CPEB3: variants seen among roughly 807,000 people sequenced by gnomAD.
CPEB3 encodes cytoplasmic polyadenylation element binding protein 3, also known as cytoplasmic polyadenylation element-binding protein 3.
A neutral mutation model predicts 67.2 loss-of-function variants in CPEB3; 20 were observed. That is an observed-to-expected ratio of 0.30 (90% CI 0.21 to 0.43). CPEB3 has a LOEUF of 0.43. Ranked by LOEUF, CPEB3 falls within the 20% of genes least tolerant of loss-of-function variation. The pLI is 1.00. For synonymous variants in CPEB3, 376 were observed against 393.1 expected (o/e 0.96, Z 0.51); for missense variants, 746 against 968.6 (o/e 0.77, Z 3.05).
At chr10:92,190,782 T>A (rs1848942938) in intron 3 of CPEB3, among the ~76,000 whole-genome samples, 1 of 148,050 alleles carries the variant, frequency 6.8e-6, no homozygotes, top group African/African-American at 2.5e-5. Flanking sequence ...TCCTCTAGCC[T>A]ACCATCCTTC....
At chr10:92,069,529 G>A (rs755676832) in intron 9 of CPEB3, among the ~76,000 whole-genome samples, 1 of 152,068 alleles carries the variant, frequency 6.6e-6, no homozygotes, top group Non-Finnish European at 1.5e-5. Flanking sequence ...GTAGCCTCCT[G>A]AGTAGTTAGC....
chr10:92,245,880 T>C (rs1280929337), intron 1 of CPEB3, among the ~76,000 whole-genome samples: 1 of 151,348 alleles, frequency 6.6e-6, no homozygotes, highest in African/African-American at 2.4e-5. Flanking sequence ...CTACTAAAAC[T>C]ATAAAAAATT....
intron 1 of CPEB3, among the ~76,000 whole-genome samples, chr10:92,252,124 C>T (rs1459845678): frequency 2.0e-5 from 3 of 151,188 alleles, no homozygotes; most frequent in African/African-American, 7.3e-5. Flanking sequence ...AAATATCCCC[C>T]CAAGAATAGG....
chr10:92,113,374 T>C (rs767309581), intron 6 of CPEB3, among the ~76,000 whole-genome samples: 10 of 152,232 alleles, frequency 6.6e-5, no homozygotes, highest in Non-Finnish European at 1.0e-4. Context: ...TATGAGAACA[T>C]TAATTCTACT....
intron 9 of CPEB3, among the ~76,000 whole-genome samples, chr10:92,056,095 T>G (rs781149956): frequency 2.0e-5 from 3 of 152,192 alleles, no homozygotes; most frequent in Admixed American, 1.3e-4. Context: ...CAGAGGCCTT[T>G]CCTGAAAGCT....
intron 2 of CPEB3, among the ~76,000 whole-genome samples, chr10:92,230,796 G>GC (rs1851230593): frequency 6.6e-6 from 1 of 152,136 alleles, no homozygotes; most frequent in Non-Finnish European, 1.5e-5. Flanking sequence ...GGTTTCTACT[G>GC]CAAGTACAGC....
chr10:92,052,458 GAC>G lies in CPEB3; in HGVS notation c.1870-21_1870-20del. 1 of 1,592,430 alleles carries G rather than the reference GAC, an allele frequency of 6.3e-7. No individual in the cohort carries two copies. The highest frequency in any genetic ancestry group is 8.6e-7 in the Non-Finnish European group (1 of 1,162,586). The stretch of plus-strand genomic sequence containing the variant: ...CTTCAACCTGGACCCAAAGAGGAAA[GAC>G]AGAGAAAAATGATTTAGCAAAGCTT... On this transcript the variant is annotated intron_variant, in intron 9 of 9. Transcript: ENST00000265997.
At chr10:92,192,303 A>G (rs986631849) in intron 3 of CPEB3, among the ~76,000 whole-genome samples, 174 bp downstream of exon 3, 2 of 152,212 alleles carry the variant, frequency 1.3e-5, no homozygotes, top group Non-Finnish European at 2.9e-5. Flanking sequence ...CTTGATTATT[A>G]TAGGTAGCTG....
At chr10:92,212,524 C>G (rs1278073693) in intron 2 of CPEB3, among the ~76,000 whole-genome samples, 4 of 152,092 alleles carry the variant, frequency 2.6e-5, no homozygotes, top group African/African-American at 9.7e-5. Flanking sequence ...GCTGGGATTA[C>G]AGGTGTGAGC....
chr10:92,075,665 G>A (rs921560451), intron 9 of CPEB3, among the ~76,000 whole-genome samples: 1 of 152,062 alleles, frequency 6.6e-6, no homozygotes, highest in East Asian at 1.9e-4. Flanking sequence ...AAATCTACAG[G>A]ATAACAAAGA....
At chr10:92,182,878 G>C (rs1018117553) in intron 3 of CPEB3, among the ~76,000 whole-genome samples, 12 of 149,346 alleles carry the variant, frequency 8.0e-5, no homozygotes, top group Non-Finnish European at 1.8e-4. Flanking sequence ...CGCAAGTGAA[G>C]CATCACTTAT....
chr10:92,068,321 T>C (rs1268477863), intron 9 of CPEB3, among the ~76,000 whole-genome samples: 1 of 152,156 alleles, frequency 6.6e-6, no homozygotes, highest in Non-Finnish European at 1.5e-5. Flanking sequence ...TAGTGTCATA[T>C]AGTGAACAAA....
At chr10:92,252,659 A>G (rs2134802131) in intron 1 of CPEB3, among the ~76,000 whole-genome samples, 1 of 152,206 alleles carries the variant, frequency 6.6e-6, no homozygotes, top group East Asian at 1.9e-4. Flanking sequence ...CTGGGACTAC[A>G]GGTGCCTGCC....
intron 1 of CPEB3, among the ~76,000 whole-genome samples, chr10:92,260,972 G>C (rs1367962001): frequency 2.0e-5 from 3 of 152,112 alleles, no homozygotes; most frequent in Non-Finnish European, 4.4e-5. Context: ...GAGATCCAGT[G>C]AGCAAGGCTG....
chr10:92,179,093 G>A (rs887822480), intron 4 of CPEB3, among the ~76,000 whole-genome samples: 34 of 151,822 alleles, frequency 2.2e-4, no homozygotes, highest in Non-Finnish European at 1.2e-4. Flanking sequence ...CAAAATGGCC[G>A]TTTTGGTACT....
At chr10:92,165,050 T>C (rs879258804) in intron 4 of CPEB3, among the ~76,000 whole-genome samples, 1 of 152,202 alleles carries the variant, frequency 6.6e-6, no homozygotes, top group African/African-American at 2.4e-5. Flanking sequence ...ACAATTTTTT[T>C]ATTTCCTAGC....
intron 6 of CPEB3, among the ~76,000 whole-genome samples, chr10:92,113,123 C>G (rs958144842): frequency 2.6e-5 from 4 of 152,224 alleles, no homozygotes; most frequent in African/African-American, 9.6e-5. Flanking sequence ...ATTGAATGGG[C>G]AGCCATGTAG....
intron 7 of CPEB3, among the ~76,000 whole-genome samples, chr10:92,105,716 T>G (rs955536674): frequency 4.3e-4 from 23 of 53,388 alleles, no homozygotes; most frequent in South Asian, 6.5e-4. Flanking sequence ...GTTTTGTGGG[T>G]TTTTTTTTTT....
intron 2 of CPEB3, among the ~76,000 whole-genome samples, chr10:92,235,422 G>GAGTC: frequency 6.6e-6 from 1 of 151,782 alleles, no homozygotes; most frequent in East Asian, 1.9e-4. Flanking sequence ...TCCAGCCTGG[G>GAGTC]TGACAGGGTG....
Sources: gnomAD v4.1 joint callset for allele counts (sites outside exome capture counted in the v4.1 genomes callset) on GRCh38, gnomAD v4.1.1 for gene constraint, MANE v1.5 for transcripts, NCBI Gene and HGNC (gene_info 2026-07-23, HGNC 2026-07-21) for gene names.